Variants in DCC observed in about 807,000 individuals in gnomAD.
DCC encodes DCC netrin 1 receptor.
A neutral mutation model predicts 172.5 loss-of-function variants in DCC; 58 were observed. The ratio of observed to expected loss-of-function variants is 0.34; its 90% CI spans 0.27 to 0.42. The LOEUF (loss-of-function observed/expected upper bound fraction) is 0.42. Among genes scored for constraint, DCC ranks in the 10% least tolerant of loss-of-function variants. DCC has a pLI of 1.00. For synonymous variants in DCC, 709 were observed against 644.5 expected (o/e 1.10, Z -1.52); for missense variants, 1,740 against 1,791.0 (o/e 0.97, Z 0.51).
At chr18:52,880,089 G>A (rs903755067) in intron 2 of DCC, among the ~76,000 whole-genome samples, 1 of 151,462 alleles carries the variant, frequency 6.6e-6, no homozygotes, top group African/African-American at 2.4e-5. Context: ...ATTGATTATA[G>A]TCACTCCGTT....
At chr18:52,511,632 GC>G (rs1455741988) in intron 1 of DCC, among the ~76,000 whole-genome samples, 1 of 152,138 alleles carries the variant, frequency 6.6e-6, no homozygotes, top group Non-Finnish European at 1.5e-5. Flanking sequence ...GCACAAGACA[GC>G]CCCCATAATA....
chr18:52,442,686 T>C (rs1341461791), intron 1 of DCC, among the ~76,000 whole-genome samples: 2 of 152,226 alleles, frequency 1.3e-5, no homozygotes, highest in African/African-American at 4.8e-5. Context: ...AATTTACAGA[T>C]TGAGAAAATA....
At chr18:52,617,095 G>A (rs2034396822) in intron 1 of DCC, among the ~76,000 whole-genome samples, 1 of 152,128 alleles carries the variant, frequency 6.6e-6, no homozygotes, top group Non-Finnish European at 1.5e-5. Flanking sequence ...CGACGAAGGT[G>A]TACTGTCTGG....
chr18:53,181,436 C>T (rs1182999008), intron 9 of DCC, among the ~76,000 whole-genome samples: 3 of 143,860 alleles, frequency 2.1e-5, no homozygotes, highest in South Asian at 4.4e-4. Context: ...TTAACACCAA[C>T]GTTCCCAAGC....
chr18:53,098,371 T>A (rs1435300421), intron 7 of DCC, among the ~76,000 whole-genome samples: 1 of 152,156 alleles, frequency 6.6e-6, no homozygotes, highest in East Asian at 1.9e-4. Context: ...AGATCCAGGA[T>A]CATTCATTGT....
intron 12 of DCC, among the ~76,000 whole-genome samples, chr18:53,230,937 G>A (rs1437850725): frequency 1.3e-5 from 2 of 151,922 alleles, no homozygotes; most frequent in African/African-American, 2.4e-5. Context: ...CTTTTCCTTG[G>A]GGTATTATGC....
intron 1 of DCC, among the ~76,000 whole-genome samples, chr18:52,733,135 A>C (rs1202192063): frequency 1.3e-5 from 2 of 152,120 alleles, no homozygotes; most frequent in Admixed American, 6.6e-5. Context: ...TATTAAGCAA[A>C]ATGGCATAGA....
chr18:52,593,067 A>G (rs770484441), intron 1 of DCC, among the ~76,000 whole-genome samples: 1 of 152,160 alleles, frequency 6.6e-6, no homozygotes, highest in East Asian at 1.9e-4. Context: ...GTACCAACAA[A>G]CAGGCTTATT....
At chr18:53,294,823 G>C (rs1185022567) in intron 12 of DCC, among the ~76,000 whole-genome samples, 2 of 152,194 alleles carry the variant, frequency 1.3e-5, no homozygotes, top group African/African-American at 4.8e-5. Context: ...GTAGGTAAAG[G>C]AGAGCTTAAT....
At chr18:52,367,459 C>T (rs2144288117) in intron 1 of DCC, among the ~76,000 whole-genome samples, 1 of 152,332 alleles carries the variant, frequency 6.6e-6, no homozygotes, top group Admixed American at 6.5e-5. Context: ...AGCACGCTGT[C>T]ACCTCTCACT....
chr18:53,140,705 G>T (rs2043817224), intron 7 of DCC, among the ~76,000 whole-genome samples: 1 of 152,020 alleles, frequency 6.6e-6, no homozygotes, highest in Non-Finnish European at 1.5e-5. Context: ...TTTGTATAAA[G>T]ACTAATATAT....
chr18:53,135,304 T>C (rs2043723497), intron 7 of DCC, among the ~76,000 whole-genome samples: 1 of 151,810 alleles, frequency 6.6e-6, no homozygotes, highest in Admixed American at 6.6e-5. Context: ...GAGATGGAGG[T>C]GGGATCAGGA....
chr18:52,461,862 C>T (rs370456016), intron 1 of DCC, among the ~76,000 whole-genome samples: 5 of 152,142 alleles, frequency 3.3e-5, no homozygotes, highest in African/African-American at 1.2e-4. Flanking sequence ...GTCATTTTTT[C>T]AACTGTGCAC....
intron 5 of DCC, among the ~76,000 whole-genome samples, chr18:52,959,085 C>A (rs1327290448): frequency 6.6e-6 from 1 of 152,006 alleles, no homozygotes; most frequent in African/African-American, 2.4e-5. Flanking sequence ...GACTGGACAC[C>A]TCTGATTTAG....
chr18:52,493,498 T>A (rs1475404837), intron 1 of DCC, among the ~76,000 whole-genome samples: 1 of 152,142 alleles, frequency 6.6e-6, no homozygotes, highest in African/African-American at 2.4e-5. Context: ...CGTAATAGTT[T>A]ATGTTGGCAA....
chr18:53,112,477 T>C (rs963725710), intron 7 of DCC, among the ~76,000 whole-genome samples: 3 of 151,436 alleles, frequency 2.0e-5, no homozygotes, highest in Admixed American at 1.3e-4. Flanking sequence ...AGCTTCTGGA[T>C]TTGAACCCAG....
At chr18:53,134,384 T>G (rs1295208216) in intron 7 of DCC, among the ~76,000 whole-genome samples, 2 of 152,138 alleles carry the variant, frequency 1.3e-5, no homozygotes, top group African/African-American at 4.8e-5. Flanking sequence ...GAGAAGGTTT[T>G]GGACCCTGCC....
chr18:52,924,032 GA>G (rs2040163623), intron 4 of DCC, among the ~76,000 whole-genome samples, 175 bp downstream of exon 4: 1 of 152,164 alleles, frequency 6.6e-6, no homozygotes, highest in Middle Eastern at 3.4e-3. Context: ...TAGCCACTGG[GA>G]TGAGAAGATG....
At chr18:52,552,284 A>C (rs1208350866) in intron 1 of DCC, among the ~76,000 whole-genome samples, 7 of 152,038 alleles carry the variant, frequency 4.6e-5, no homozygotes, top group Non-Finnish European at 8.8e-5. Context: ...CATTCGAAGG[A>C]CCTTGTTTCC....
Sources: allele counts gnomAD v4.1 joint callset (sites outside exome capture counted in the v4.1 genomes callset), GRCh38; gene constraint gnomAD v4.1.1; transcripts MANE v1.5; gene names NCBI Gene and HGNC (gene_info 2026-07-23, HGNC 2026-07-21).